METTL8: variants seen among roughly 807,000 people sequenced by gnomAD.
The protein encoded by METTL8 is methyltransferase 8, tRNA N3-cytidine, also known as tRNA N(3)-cytidine methyltransferase METTL8, mitochondrial.
In METTL8, 32 loss-of-function variants were observed where a neutral mutation model predicts 48.7. The ratio of observed to expected loss-of-function variants is 0.66; its 90% CI spans 0.50 to 0.88. METTL8 has a LOEUF of 0.88. Ranked by LOEUF, METTL8 falls within the 40% of genes least tolerant of loss-of-function variation. The pLI, the probability that METTL8 is intolerant of heterozygous loss-of-function variation, is 0.00. For synonymous variants in METTL8, 136 were observed against 157.1 expected, an observed-to-expected ratio of 0.87 and a Z score of 1.01; for missense variants, 464 against 474.4, an observed-to-expected ratio of 0.98 and a Z score of 0.20.
chr2:171,394,932 A>G (rs1463077319), intron 1 of METTL8, among the ~76,000 whole-genome samples: 1 of 152,184 alleles, frequency 6.6e-6, no homozygotes, highest in East Asian at 1.9e-4. Context: ...GAATGTGACA[A>G]TGTACAGGTA....
upstream of METTL8, chr2:171,434,566 G>T: frequency 2.0e-6 from 3 of 1,525,586 alleles, no homozygotes; most frequent in African/African-American, 2.8e-5. Flanking sequence ...CCAGGGCCCG[G>T]CCCGCGCCTC....
intron 1 of METTL8, among the ~76,000 whole-genome samples, chr2:171,410,445 A>G (rs545940020): frequency 4.6e-5 from 7 of 152,292 alleles, no homozygotes; most frequent in African/African-American, 1.7e-4. Flanking sequence ...CCAAACAACA[A>G]CAAAACACAT....
chr2:171,331,860 G>A lies in METTL8; in HGVS notation c.664C>T (p.Pro222Ser), dbSNP rs774209016. ...FPILNTLENS[P>S]ESFLYCCDFA... ...TCACAACAATACAGAAAGGACTCCG[G>A]AGAGTTCCTATGAAGATGGAAGAAA... Residue 222 changes from proline to serine, a missense_variant, in exon 6 of 10, where the codon CCG becomes TCG. By Grantham distance (74) the Pro-to-Ser change is moderately conservative. Transcript: ENST00000375258. 1 of 1,595,454 alleles carries A rather than the reference G, an allele frequency of 6.3e-7. No homozygotes were observed. Among genetic ancestry groups the A allele is most frequent in the East Asian group, 2.2e-5 (1 of 44,628 alleles).
chr2:171,426,222 AAATT>A (rs1454440383), intron 1 of METTL8, among the ~76,000 whole-genome samples: 1 of 152,210 alleles, frequency 6.6e-6, no homozygotes, highest in Non-Finnish European at 1.5e-5. Flanking sequence ...GAAAGGGGAT[AAATT>A]AATTGTAATA....
chr2:171,364,456 C>T (rs981809342), intron 2 of METTL8, among the ~76,000 whole-genome samples: 1 of 151,724 alleles, frequency 6.6e-6, no homozygotes, highest in African/African-American at 2.4e-5. Context: ...ATACTTTTCA[C>T]AAAAATTTGA....
intron 5 of METTL8, among the ~76,000 whole-genome samples, chr2:171,333,729 C>T (rs1481478515): frequency 6.6e-6 from 1 of 152,218 alleles, no homozygotes; most frequent in African/African-American, 2.4e-5. Flanking sequence ...ACACTCAGCA[C>T]TATGTGGCTA....
intron 1 of METTL8, among the ~76,000 whole-genome samples, chr2:171,431,751 A>T (rs916489930): frequency 2.0e-5 from 3 of 152,192 alleles, no homozygotes; most frequent in African/African-American, 7.2e-5. Context: ...CCCCAGGGCC[A>T]TGGGCGGGAG....
chr2:171,325,962 A>G, intron 8 of METTL8, 56 bp from the exon 9 acceptor site: 1 of 1,393,478 alleles, frequency 7.2e-7, no homozygotes. Context: ...AAAAAAAACA[A>G]CTAAATACTT....
intron 7 of METTL8, among the ~76,000 whole-genome samples, chr2:171,328,617 T>A (rs1424237165): frequency 1.3e-5 from 2 of 152,196 alleles, no homozygotes; most frequent in African/African-American, 4.8e-5. Context: ...TTCCAGTGAT[T>A]CTCCTGCCTC....
Position 171,433,869 on chromosome 2 carries a change from G to A in METTL8, c.-13+14C>T, listed in dbSNP as rs1443640737. On this transcript the variant is annotated intron_variant, in intron 1 of 9. Coordinates refer to ENST00000375258, the MANE Select transcript of METTL8 (RefSeq NM_001321154.2). Reference sequence around the variant, plus strand: ...CAGCCAACATGCGGCTGAAGGGAAAGCCGCGGGGCGTACCTTTAGCACGGG... The same window carrying A: ...CAGCCAACATGCGGCTGAAGGGAAAACCGCGGGGCGTACCTTTAGCACGGG... 6.4e-6 allele frequency: 1 copy of A among 156,062 alleles called. No homozygotes were observed. The highest frequency in any genetic ancestry group is 1.4e-5 in the Non-Finnish European group (1 of 70,636). 9.7% of individuals were successfully genotyped at this position (156,062 alleles called of 1,614,324 possible).
At chr2:171,326,981 C>T (rs1273179719) in intron 7 of METTL8, 1 of 152,344 alleles carries the variant, frequency 6.6e-6, no homozygotes, top group East Asian at 1.9e-4. Flanking sequence ...AGATCTCCTA[C>T]TACTGACCCC....
At chr2:171,343,381 G>A (rs1352048187) in intron 3 of METTL8, among the ~76,000 whole-genome samples, 1 of 152,086 alleles carries the variant, frequency 6.6e-6, no homozygotes, top group Non-Finnish European at 1.5e-5. Context: ...GGAGGTTGCG[G>A]TGAGCTGCGA....
chr2:171,430,188 T>C (rs1692849329), intron 1 of METTL8, among the ~76,000 whole-genome samples: 1 of 151,946 alleles, frequency 6.6e-6, no homozygotes, highest in Non-Finnish European at 1.5e-5. Context: ...TGAAACCCCG[T>C]CTCTACTAAA....
intron 7 of METTL8, among the ~76,000 whole-genome samples, chr2:171,326,734 T>C (rs1169451811): frequency 1.3e-5 from 2 of 152,208 alleles, no homozygotes; most frequent in African/African-American, 2.4e-5. Flanking sequence ...ATCTTTGATA[T>C]TTCCTGTCTT....
At chr2:171,422,781 A>G (rs1050489449) in intron 1 of METTL8, among the ~76,000 whole-genome samples, 1 of 152,242 alleles carries the variant, frequency 6.6e-6, no homozygotes, top group Admixed American at 6.5e-5. Flanking sequence ...TATTCACTAC[A>G]TTGGCAAAAA....
At chr2:171,350,378 T>C (rs1412405203) in intron 3 of METTL8, among the ~76,000 whole-genome samples, 1 of 152,236 alleles carries the variant, frequency 6.6e-6, no homozygotes, top group Non-Finnish European at 1.5e-5. Flanking sequence ...GACATTTGGG[T>C]TGGTTCTAAG....
At chr2:171,365,206 A>G (rs1166212913) in intron 2 of METTL8, among the ~76,000 whole-genome samples, 1 of 151,702 alleles carries the variant, frequency 6.6e-6, no homozygotes, top group Non-Finnish European at 1.5e-5. Context: ...GGGAAATAAT[A>G]CTCCTTTGAA....
At chr2:171,415,773 G>T (rs1369254313) in intron 1 of METTL8, among the ~76,000 whole-genome samples, 1 of 152,092 alleles carries the variant, frequency 6.6e-6, no homozygotes, top group Non-Finnish European at 1.5e-5. Flanking sequence ...CCACTCTAGG[G>T]AATAAAAGAT....
chr2:171,381,638 A>T (rs1559144829), intron 2 of METTL8, among the ~76,000 whole-genome samples: 1 of 152,240 alleles, frequency 6.6e-6, no homozygotes, highest in African/African-American at 2.4e-5. Context: ...GCCAATAAAC[A>T]TATGAAAAAA....
Sources: gnomAD v4.1 joint callset for allele counts (sites outside exome capture counted in the v4.1 genomes callset) on GRCh38, gnomAD v4.1.1 for gene constraint, MANE v1.5 for transcripts, NCBI Gene and HGNC (gene_info 2026-07-23, HGNC 2026-07-21) for gene names.